KHDRBS2: variants seen among roughly 807,000 people sequenced by gnomAD.
KHDRBS2 encodes the protein KH RNA binding domain containing, signal transduction associated 2.
KHDRBS2 carries 26 observed loss-of-function variants against 44.3 expected under a neutral mutation model. The ratio of observed to expected loss-of-function variants is 0.59; its 90% confidence interval spans 0.43 to 0.81. The LOEUF is 0.81. KHDRBS2 is among the 40% of genes least tolerant of loss of function. KHDRBS2 has a pLI of 0.00. For missense variants in KHDRBS2, 476 were observed against 433.1 expected (o/e 1.10, Z -0.88); for synonymous variants, 194 against 151.1 (o/e 1.28, Z -2.08).
chr6:61,746,205 G>A lies in KHDRBS2; in HGVS notation c.811-13441C>T, dbSNP rs142295259. Among the ~76,000 whole-genome samples, 717 of 152,192 alleles carry A rather than the reference G, an allele frequency of 4.7e-3. 4 individuals are homozygous for A. Among genetic ancestry groups the A allele is most frequent in the Non-Finnish European group, 6.9e-3 (466 of 67,994 alleles). On this transcript the variant is annotated intron_variant, in intron 6 of 8. Coordinates refer to ENST00000281156, the MANE Select transcript of KHDRBS2 (RefSeq NM_152688.4). ...CAGATAAAATTGTTAATGCTGTCAT[G>A]ACTAAGAACAGGATCAAGTTTCAGA... is the stretch of plus-strand genomic sequence containing the variant.
intron 4 of KHDRBS2, among the ~76,000 whole-genome samples, chr6:61,936,994 T>A (rs1424158842): frequency 6.6e-6 from 1 of 152,070 alleles, no homozygotes; most frequent in East Asian, 1.9e-4. Flanking sequence ...GAAATTTTTT[T>A]ATAAAATATG....
chr6:61,835,243 A>G (rs956500598), intron 6 of KHDRBS2, among the ~76,000 whole-genome samples: 4 of 152,114 alleles, frequency 2.6e-5, no homozygotes, highest in African/African-American at 9.6e-5. Context: ...TATCAGTTGA[A>G]GAAAGTTCCT....
intron 7 of KHDRBS2, among the ~76,000 whole-genome samples, chr6:61,706,682 GT>G (rs993844736): frequency 2.6e-5 from 4 of 151,780 alleles, no homozygotes; most frequent in Non-Finnish European, 4.4e-5. Context: ...GGAATACGAA[GT>G]GGAAAAGATA....
In KHDRBS2 at chr6:62,139,949, A is replaced by G. The variant is rs558527126; in HGVS notation, c.219+37236T>C. On this transcript the variant is annotated intron_variant, in intron 2 of 8. Coordinates refer to ENST00000281156, the MANE Select transcript of KHDRBS2 (RefSeq NM_152688.4). ...GCTTTTGTCCTGAGACCTTACAATC[A>G]CTATTCCTTTACCCAGCCCATTTTA... 8.6e-5 allele frequency among the ~76,000 whole-genome samples: 13 copies of G among 150,330 alleles called. No homozygotes were observed. In the East Asian group the frequency reaches 2.6e-3, roughly 30 times the overall value.
chr6:61,556,343 A>G, the KHDRBS2 span, among the ~76,000 whole-genome samples: 1 of 152,138 alleles, frequency 6.6e-6, no homozygotes, highest in Non-Finnish European at 1.5e-5. Flanking sequence ...GAAAAATCAC[A>G]TTTTTTTAAT....
chr6:62,260,374 A>T (rs550112115), intron 1 of KHDRBS2, among the ~76,000 whole-genome samples: 1 of 152,078 alleles, frequency 6.6e-6, no homozygotes, highest in Admixed American at 6.6e-5. Flanking sequence ...TGTCAATATA[A>T]TTCTTAGTTC....
intron 4 of KHDRBS2, among the ~76,000 whole-genome samples, chr6:61,918,443 T>C (rs546947057): frequency 6.6e-6 from 1 of 151,844 alleles, no homozygotes; most frequent in Non-Finnish European, 1.5e-5. Flanking sequence ...TGGATGTTGT[T>C]AGGAAGGGGA....
rs1290039815 is a variant in KHDRBS2 at position 62,169,053 on chromosome 6, A to ATATATATATATG, written c.219+8131_219+8132insCATATATATATA. 3.5e-5 allele frequency among the ~76,000 whole-genome samples: 5 copies of ATATATATATATG among 141,768 alleles called. No homozygotes were observed. In the South Asian group the frequency reaches 1.1e-3, roughly 31 times the overall value. The allele number at this position is 141,768 out of a possible 152,430, so 93.0% of individuals were successfully genotyped here. On this transcript the variant is annotated intron_variant, in intron 2 of 8. Transcript: ENST00000281156. ...TCCAGTCATATATATATATATATAT[A>ATATATATATATG]TATATATATGTATACATGAATATAA...
At chr6:61,870,730 A>G (rs1387521467) in intron 6 of KHDRBS2, among the ~76,000 whole-genome samples, 1 of 152,082 alleles carries the variant, frequency 6.6e-6, no homozygotes, top group Non-Finnish European at 1.5e-5. Context: ...ACCCAGGGAA[A>G]CAGGGTCTGG....
At chr6:61,706,203 T>C (rs1769521375) in intron 7 of KHDRBS2, among the ~76,000 whole-genome samples, 3 of 151,818 alleles carry the variant, frequency 2.0e-5, no homozygotes. Context: ...CTACGCTTTC[T>C]ACTTCGGGAC....
At chr6:61,674,481 T>C in the KHDRBS2 span, among the ~76,000 whole-genome samples, 2 of 151,754 alleles carry the variant, frequency 1.3e-5, no homozygotes, top group Admixed American at 6.6e-5. Flanking sequence ...AGTTTAATTA[T>C]ACTTCATTTG....
At chr6:62,015,990 C>T (rs1781134566) in intron 3 of KHDRBS2, among the ~76,000 whole-genome samples, 1 of 152,160 alleles carries the variant, frequency 6.6e-6, no homozygotes, top group African/African-American at 2.4e-5. Flanking sequence ...TCTGAACCCT[C>T]AAGCTTGTTC....
intron 6 of KHDRBS2, among the ~76,000 whole-genome samples, chr6:61,770,835 A>T (rs886661390): frequency 2.0e-5 from 3 of 152,148 alleles, no homozygotes; most frequent in Non-Finnish European, 2.9e-5. Context: ...AATACAGAGA[A>T]CGCCACAAAG....
the KHDRBS2 span, among the ~76,000 whole-genome samples, chr6:61,625,005 G>A: frequency 1.3e-5 from 2 of 152,198 alleles, no homozygotes; most frequent in Admixed American, 1.3e-4. Context: ...TCATCATCCT[G>A]GCAGGAGAAA....
chr6:62,027,710 T>C (rs1209773180), intron 3 of KHDRBS2, among the ~76,000 whole-genome samples: 1 of 152,098 alleles, frequency 6.6e-6, no homozygotes, highest in African/African-American at 2.4e-5. Flanking sequence ...GCCGCCATAA[T>C]AACCCAAAAG....
chr6:62,159,090 G>T (rs967875418), intron 2 of KHDRBS2, among the ~76,000 whole-genome samples: 2 of 148,944 alleles, frequency 1.3e-5, no homozygotes, highest in African/African-American at 5.2e-5. Context: ...TATTTAAAAT[G>T]ATGACATGGA....
At chr6:61,838,399 G>T (rs1348572934) in intron 6 of KHDRBS2, among the ~76,000 whole-genome samples, 3 of 151,864 alleles carry the variant, frequency 2.0e-5, no homozygotes, top group African/African-American at 4.8e-5. Flanking sequence ...TCAAAATGAA[G>T]AACACGCTAA....
chr6:61,706,455 G>T (rs1372747257), intron 7 of KHDRBS2, among the ~76,000 whole-genome samples: 9 of 151,758 alleles, frequency 5.9e-5, no homozygotes, highest in Non-Finnish European at 1.3e-4. Flanking sequence ...ACTCAGAGAG[G>T]ATAAGACATG....
chr6:62,254,245 C>T (rs2150176902), intron 1 of KHDRBS2, among the ~76,000 whole-genome samples: 1 of 152,136 alleles, frequency 6.6e-6, no homozygotes. Context: ...CTTTACTATG[C>T]TCAAGATAAA....
Sources: gnomAD v4.1 joint callset for allele counts (sites outside exome capture counted in the v4.1 genomes callset) on GRCh38, gnomAD v4.1.1 for gene constraint, MANE v1.5 for transcripts, NCBI Gene and HGNC (gene_info 2026-07-23, HGNC 2026-07-21) for gene names.